NKAIN2: variants seen among roughly 807,000 people sequenced by gnomAD.
The protein encoded by NKAIN2 is sodium/potassium-transporting ATPase subunit beta-1-interacting protein 2.
Under a neutral mutation model 32.6 loss-of-function variants are expected in NKAIN2, and 14 were observed. That is an observed-to-expected ratio of 0.43 (90% CI 0.28 to 0.67). The LOEUF is 0.67. NKAIN2 is among the 30% of genes least tolerant of loss of function. NKAIN2 has a pLI of 0.17. For synonymous variants in NKAIN2, 80 were observed against 87.2 expected, an observed-to-expected ratio of 0.92 and a Z score of 0.46; for missense variants, 198 against 258.3, an observed-to-expected ratio of 0.77 and a Z score of 1.60.
Position 124,711,669 on chromosome 6 carries a change from T to A in NKAIN2, c.474+53283T>A, listed in dbSNP as rs574124924. Among the ~76,000 whole-genome samples the A allele has an allele frequency of 1.4e-4, 21 of 151,904 alleles. No individual in the cohort carries two copies. The East Asian group carries it at 4.1e-3, about 30-fold the overall frequency. On this transcript the variant is annotated intron_variant, in intron 4 of 6. Coordinates refer to ENST00000368417, the MANE Select transcript of NKAIN2 (RefSeq NM_001040214.3). ...TCTCGAGCCTTGGTTTTCAGCTCCA[T>A]CAGCTCCTTTAAGCATTTCTCTGTA...
chr6:124,114,249 G>C (rs748110291), intron 1 of NKAIN2, among the ~76,000 whole-genome samples: 1 of 151,964 alleles, frequency 6.6e-6, no homozygotes, highest in Non-Finnish European at 1.5e-5. Flanking sequence ...ATTTTTTATG[G>C]ACATTGAGTA....
chr6:124,433,415 T>G (rs887835889), intron 3 of NKAIN2, among the ~76,000 whole-genome samples: 3 of 152,212 alleles, frequency 2.0e-5, no homozygotes, highest in African/African-American at 7.2e-5. Flanking sequence ...AGCTACAGGA[T>G]AGAACTTGTC....
chr6:124,189,791 A>C (rs114825608), intron 1 of NKAIN2, among the ~76,000 whole-genome samples: 2,112 of 152,334 alleles, frequency 0.014, 53 homozygotes, highest in African/African-American at 0.049. Flanking sequence ...CCTTAGTGGT[A>C]ATTAGTGCCT....
intron 3 of NKAIN2, among the ~76,000 whole-genome samples, chr6:124,515,224 C>T (rs1778859285): frequency 6.6e-6 from 1 of 152,016 alleles, no homozygotes; most frequent in Non-Finnish European, 1.5e-5. Context: ...CTTTGTGTTG[C>T]TGTAAAGGAA....
intron 1 of NKAIN2, among the ~76,000 whole-genome samples, chr6:124,273,302 G>C (rs557281508): frequency 1.3e-5 from 1 of 76,334 alleles, no homozygotes; most frequent in Admixed American, 1.6e-4. Flanking sequence ...TCTCATGATA[G>C]TTAGTGAGTT....
At chr6:124,435,311 T>G (rs1298975744) in intron 3 of NKAIN2, among the ~76,000 whole-genome samples, 1 of 152,096 alleles carries the variant, frequency 6.6e-6, no homozygotes, top group Non-Finnish European at 1.5e-5. Flanking sequence ...GCAGAAGACT[T>G]CAAAGCTCTA....
At position 124,171,288 on chromosome 6, in the gene NKAIN2, A is replaced by G. The variant is rs561531221; in HGVS notation, c.55-111717A>G. Among the ~76,000 whole-genome samples the G allele has an allele frequency of 4.6e-5, 7 of 152,106 alleles. No homozygotes were observed. In the South Asian group the frequency reaches 1.4e-3, roughly 32 times the overall value. ...TTTCCCGTGTTCTGCTCTCTAGCAT[A>G]TCTTTCTAATTTTAAAATTTTAGGA... On this transcript the variant is annotated intron_variant, in intron 1 of 6. Coordinates refer to ENST00000368417, the MANE Select transcript of NKAIN2 (RefSeq NM_001040214.3).
chr6:124,239,534 TAAAA>T (rs1281985239), intron 1 of NKAIN2, among the ~76,000 whole-genome samples: 15 of 152,178 alleles, frequency 9.9e-5, no homozygotes, highest in African/African-American at 1.9e-4. Flanking sequence ...ACGAAAATCA[TAAAA>T]AACAGTCTCT....
At chr6:124,353,742 G>A (rs1280658306) in intron 2 of NKAIN2, among the ~76,000 whole-genome samples, 2 of 147,560 alleles carry the variant, frequency 1.4e-5, no homozygotes, top group Non-Finnish European at 3.0e-5. Flanking sequence ...GCGACAGAGC[G>A]AGACTCCGTC....
intron 1 of NKAIN2, among the ~76,000 whole-genome samples, chr6:123,984,170 G>T (rs1350394849): frequency 2.0e-5 from 3 of 152,124 alleles, no homozygotes; most frequent in South Asian, 2.1e-4. Context: ...GCCTCCCAAA[G>T]TTCTGGGATT....
At chr6:124,383,218 A>G (rs552425320) in intron 3 of NKAIN2, among the ~76,000 whole-genome samples, 1 of 152,158 alleles carries the variant, frequency 6.6e-6, no homozygotes, top group Non-Finnish European at 1.5e-5. Context: ...AATAATATCC[A>G]TCCTCACAGT....
intron 3 of NKAIN2, among the ~76,000 whole-genome samples, chr6:124,532,943 C>A (rs1336642030): frequency 6.6e-6 from 1 of 152,168 alleles, no homozygotes. Flanking sequence ...GCCCCTTACT[C>A]TTCAGGAAAA....
At chr6:124,421,166 C>T (rs1477350312) in intron 3 of NKAIN2, among the ~76,000 whole-genome samples, 1 of 151,396 alleles carries the variant, frequency 6.6e-6, no homozygotes, top group Admixed American at 6.6e-5. Context: ...TTGGTTTTCT[C>T]TCTAGAAAGT....
chr6:124,721,326 C>G (rs1456403232), intron 4 of NKAIN2, among the ~76,000 whole-genome samples: 1 of 150,922 alleles, frequency 6.6e-6, no homozygotes, highest in Non-Finnish European at 1.5e-5. Context: ...ATGGCGTGAA[C>G]CCGGAAGGCG....
At chr6:124,498,122 C>T (rs1019469843) in intron 3 of NKAIN2, among the ~76,000 whole-genome samples, 8 of 151,962 alleles carry the variant, frequency 5.3e-5, no homozygotes, top group Non-Finnish European at 1.0e-4. Context: ...CGAAGAAAAT[C>T]GAGAAAGTTT....
At chr6:124,299,758 A>T (rs1212527076) in intron 2 of NKAIN2, among the ~76,000 whole-genome samples, 2 of 152,226 alleles carry the variant, frequency 1.3e-5, no homozygotes, top group African/African-American at 4.8e-5. Flanking sequence ...ACAAAAGTTA[A>T]TTAGACTGAA....
At chr6:124,411,342 G>C (rs1774170443) in intron 3 of NKAIN2, among the ~76,000 whole-genome samples, 1 of 151,916 alleles carries the variant, frequency 6.6e-6, no homozygotes, top group South Asian at 2.1e-4. Flanking sequence ...TCCATGTTTA[G>C]TGCTTCCTTC....
intron 3 of NKAIN2, among the ~76,000 whole-genome samples, chr6:124,482,160 T>C (rs1445141256): frequency 1.3e-5 from 2 of 152,086 alleles, no homozygotes; most frequent in African/African-American, 4.8e-5. Context: ...CTCTCAAAAA[T>C]TGGATTTATA....
chr6:124,238,395 A>T (rs185531590), intron 1 of NKAIN2, among the ~76,000 whole-genome samples: 8 of 152,300 alleles, frequency 5.3e-5, no homozygotes, highest in African/African-American at 1.4e-4. Context: ...AGGTTGAAGG[A>T]TTTCAGACAA....
Sources: allele counts gnomAD v4.1 joint callset (sites outside exome capture counted in the v4.1 genomes callset), GRCh38; gene constraint gnomAD v4.1.1; transcripts MANE v1.5; gene names NCBI Gene and HGNC (gene_info 2026-07-23, HGNC 2026-07-21).